The following USP32 variants were observed in gnomAD, a reference collection of about 807,000 sequenced individuals.
USP32 encodes ubiquitin carboxyl-terminal hydrolase 32.
USP32 carries 59 observed loss-of-function variants against 204.8 expected under a neutral mutation model. The observed-to-expected ratio is 0.29, with a 90% CI of 0.23 to 0.36. USP32 has a LOEUF of 0.36. USP32 is among the 10% of genes least tolerant of loss of function. The pLI is 1.00. For synonymous variants in USP32, 517 were observed against 678.4 expected, an observed-to-expected ratio of 0.76 and a Z score of 3.70; for missense variants, 1,160 against 1,946.4, an observed-to-expected ratio of 0.60 and a Z score of 7.60.
intron 32 of USP32, among the ~76,000 whole-genome samples, chr17:60,180,917 C>G (rs2084094524): frequency 1.3e-5 from 2 of 151,636 alleles, no homozygotes; most frequent in South Asian, 4.2e-4. Flanking sequence ...GGGACTTGCT[C>G]TATCACCCAG....
Position 60,391,881 on chromosome 17 carries a change from C to T in USP32, c.58+1G>A, listed in dbSNP as rs750608453. ...GCTCGCCCAGACCCCTCCCCCCTCACCTCTCCTCAGCGCCTCCTCGTAGCT... is the reference window on the plus strand; with the variant it reads ...GCTCGCCCAGACCCCTCCCCCCTCATCTCTCCTCAGCGCCTCCTCGTAGCT... On this transcript the variant is annotated splice_donor_variant, in intron 1 of 33. Coordinates refer to ENST00000300896, the MANE Select transcript of USP32 (RefSeq NM_032582.4). LOFTEE classifies it high-confidence loss of function. The T allele has an allele frequency of 6.2e-7, 1 of 1,610,722 alleles. No homozygotes were observed. Among genetic ancestry groups the T allele is most frequent in the South Asian group, 1.1e-5 (1 of 90,458 alleles).
At chr17:60,237,766 T>C (rs2085770746) in intron 11 of USP32, among the ~76,000 whole-genome samples, 1 of 152,210 alleles carries the variant, frequency 6.6e-6, no homozygotes, top group Non-Finnish European at 1.5e-5. Context: ...AGTACTTTAT[T>C]CCTTTTTATG....
intron 12 of USP32, among the ~76,000 whole-genome samples, chr17:60,229,985 T>G (rs1191102425): frequency 1.3e-5 from 2 of 152,188 alleles, no homozygotes; most frequent in Non-Finnish European, 2.9e-5. Flanking sequence ...GGCTAATTTT[T>G]GTATTTCTGG....
chr17:60,382,511 A>G (rs1047451984), intron 1 of USP32, among the ~76,000 whole-genome samples: 2 of 152,112 alleles, frequency 1.3e-5, no homozygotes, highest in Non-Finnish European at 2.9e-5. Flanking sequence ...AAAGACTAAG[A>G]AAAGAGGGAG....
chr17:60,347,215 C>A (rs2088807366), intron 1 of USP32, among the ~76,000 whole-genome samples: 1 of 151,680 alleles, frequency 6.6e-6, no homozygotes, highest in African/African-American at 2.4e-5. Context: ...GACAGAGTCT[C>A]ACTCTGTCAC....
At chr17:60,342,520 GC>G (rs990276875) in intron 2 of USP32, among the ~76,000 whole-genome samples, 1 of 152,200 alleles carries the variant, frequency 6.6e-6, no homozygotes, top group African/African-American at 2.4e-5. Context: ...GTTCAGCTAT[GC>G]CCTGCCCACA....
intron 1 of USP32, among the ~76,000 whole-genome samples, chr17:60,387,609 C>G (rs1420732063): frequency 1.3e-5 from 2 of 152,112 alleles, no homozygotes; most frequent in Non-Finnish European, 2.9e-5. Flanking sequence ...GAACTATAAA[C>G]AGAATTTCTA....
intron 16 of USP32, among the ~76,000 whole-genome samples, chr17:60,217,111 A>G (rs1320086121): frequency 1.3e-5 from 2 of 152,238 alleles, no homozygotes; most frequent in Non-Finnish European, 2.9e-5. Context: ...TTTGAGTTTT[A>G]GAAAGTTTTT....
intron 2 of USP32, among the ~76,000 whole-genome samples, chr17:60,302,750 T>C (rs1257415217): frequency 6.6e-6 from 1 of 152,010 alleles, no homozygotes; most frequent in African/African-American, 2.4e-5. Context: ...ATTACTTTGA[T>C]TGGAAAAAAA....
At chr17:60,409,200 T>G (rs977111871) in intron 1 of USP32, among the ~76,000 whole-genome samples, 2 of 151,878 alleles carry the variant, frequency 1.3e-5, no homozygotes, top group African/African-American at 4.8e-5. Flanking sequence ...ATACAAAAAT[T>G]AGCTGGGCAT....
chr17:60,410,100 G>A (rs925988787), intron 1 of USP32, among the ~76,000 whole-genome samples: 23 of 152,182 alleles, frequency 1.5e-4, no homozygotes, highest in African/African-American at 5.3e-4. Flanking sequence ...CACAAGATTT[G>A]TAATCTCCCC....
At chr17:60,391,303 ATCAAAGTCAGCCGC>A (rs2146143479) in intron 1 of USP32, among the ~76,000 whole-genome samples, 1 of 152,250 alleles carries the variant, frequency 6.6e-6, no homozygotes, top group East Asian at 1.9e-4. Context: ...GATCGTTCTT[ATCAAAGTCAGCCGC>A]TCAAACGGTG....
At chr17:60,179,926 TC>T in intron 33 of USP32, among the ~76,000 whole-genome samples, 1 of 152,316 alleles carries the variant, frequency 6.6e-6, no homozygotes, top group South Asian at 2.1e-4. Context: ...TGCCTTGGCC[TC>T]CCAAAGTGCT....
intron 10 of USP32, among the ~76,000 whole-genome samples, chr17:60,254,138 A>T (rs572295981): frequency 6.6e-6 from 1 of 152,370 alleles, no homozygotes; most frequent in Admixed American, 6.5e-5. Context: ...AAATAAGAAG[A>T]AACTAAAATA....
intron 9 of USP32, among the ~76,000 whole-genome samples, chr17:60,256,318 G>C (rs1286947388): frequency 1.3e-5 from 2 of 152,052 alleles, no homozygotes; most frequent in Admixed American, 6.6e-5. Flanking sequence ...GAGAGGGGTA[G>C]GCAAATCACT....
intron 12 of USP32, among the ~76,000 whole-genome samples, chr17:60,230,521 C>T (rs1598105307): frequency 2.0e-5 from 3 of 152,208 alleles, no homozygotes; most frequent in Admixed American, 2.0e-4. Flanking sequence ...GCGGTTCTAC[C>T]ACATGCTTTT....
intron 1 of USP32, among the ~76,000 whole-genome samples, chr17:60,352,403 A>G (rs2088970239): frequency 6.6e-6 from 1 of 152,312 alleles, no homozygotes; most frequent in Non-Finnish European, 1.5e-5. Context: ...AAAGATTTTT[A>G]AAAGCCTAGA....
intron 1 of USP32, among the ~76,000 whole-genome samples, chr17:60,419,394 A>G (rs1200201210): frequency 2.0e-5 from 3 of 152,214 alleles, no homozygotes; most frequent in African/African-American, 7.2e-5. Flanking sequence ...TGAGAGGATC[A>G]GGAAAAATAA....
chr17:60,232,196 G>C (rs538580249), intron 12 of USP32, among the ~76,000 whole-genome samples: 1 of 109,624 alleles, frequency 9.1e-6, no homozygotes, highest in Non-Finnish European at 1.7e-5. Flanking sequence ...TTTTTGAGAT[G>C]GAGTCTCACT....
Sources: allele counts gnomAD v4.1 joint callset (sites outside exome capture counted in the v4.1 genomes callset), GRCh38; gene constraint gnomAD v4.1.1; transcripts MANE v1.5; gene names NCBI Gene and HGNC (gene_info 2026-07-23, HGNC 2026-07-21).